TSNAX: variants seen among roughly 807,000 people sequenced by gnomAD.
The protein encoded by TSNAX is translin associated factor X.
TSNAX carries 12 observed loss-of-function variants against 33.0 expected under a neutral mutation model. That is an observed-to-expected ratio of 0.36 (90% CI 0.23 to 0.59). TSNAX has a LOEUF of 0.59. TSNAX is among the 20% of genes least tolerant of loss of function. TSNAX has a pLI of 0.74. For synonymous variants in TSNAX, 110 were observed against 117.2 expected (o/e 0.94, Z 0.40); for missense variants, 267 against 341.3 (o/e 0.78, Z 1.72).
rs1158079646 is a variant in TSNAX at position 231,560,410 on chromosome 1, C to CG, written c.368-718_368-717insG. Among the ~76,000 whole-genome samples the CG allele has an allele frequency of 9.1e-5, 8 of 87,522 alleles. 1 individual carries two copies. The East Asian group carries it at 2.4e-3, about 27-fold the overall frequency. 57.4% of individuals were successfully genotyped at this position (87,522 alleles called of 152,430 possible). A position where few individuals can be genotyped will look rare whatever the true frequency, so the allele number is the denominator to read the frequency against. ...ATGGAATAGGCTTTTCTTTTCTCCC[C>CG]CCCCCCCCTTTTTTTTTTTTTGAGA... is the stretch of plus-strand genomic sequence containing the variant. On this transcript the variant is annotated intron_variant, in intron 4 of 5. Transcript: ENST00000366639.
Position 231,537,231 on chromosome 1 carries a change from A to G in TSNAX, c.140A>G (p.Asp47Gly). 6.2e-7 allele frequency: 1 copy of G among 1,612,512 alleles called. No homozygotes were observed. The highest frequency in any genetic ancestry group is 8.5e-7 in the Non-Finnish European group (1 of 1,179,404). Reference protein sequence around the residue: ...LAFKSFQQELDARHDKYERLV... With the variant: ...LAFKSFQQELGARHDKYERLV... ...TTTTTAGCATTTCAGCAGGAACTTG[A>G]TGCAAGGCATGACAAATATGAGAGA... Residue 47 changes from aspartate (D) to glycine (G), a missense_variant, in exon 3 of 6, where the codon GAT becomes GGT. Physicochemically the swap from Asp to Gly is moderately conservative, Grantham distance 94. This residue lies in a region of TSNAX where 200 missense variants were observed against 214.1 expected (regional missense o/e 0.93). Coordinates refer to ENST00000366639, the MANE Select transcript of TSNAX (RefSeq NM_005999.3).
intron 4 of TSNAX, among the ~76,000 whole-genome samples, chr1:231,544,123 A>T (rs1407565193): frequency 1.3e-5 from 2 of 152,184 alleles, no homozygotes; most frequent in East Asian, 3.9e-4. Context: ...ATGCGTGTGT[A>T]ATCTTGAGGG....
chr1:231,530,121 CAG>C (rs781466438), intron 2 of TSNAX, among the ~76,000 whole-genome samples: 6 of 152,044 alleles, frequency 3.9e-5, no homozygotes, highest in Non-Finnish European at 5.9e-5. Context: ...TGGCCTCCTT[CAG>C]AGAGAGAGAG....
chr1:231,533,819 C>G (rs533604808), intron 2 of TSNAX, among the ~76,000 whole-genome samples: 3 of 152,182 alleles, frequency 2.0e-5, no homozygotes, highest in Non-Finnish European at 2.9e-5. Flanking sequence ...CATCATACCC[C>G]TTTACTTGTT....
At chr1:231,534,104 G>A (rs953156524) in intron 2 of TSNAX, 1 of 152,140 alleles carries the variant, frequency 6.6e-6, no homozygotes, top group Non-Finnish European at 1.5e-5. Flanking sequence ...ATTGATTGAA[G>A]AATATAGGTC....
intron 2 of TSNAX, 127 bp downstream of exon 2, chr1:231,529,486 A>G: frequency 4.7e-6 from 4 of 852,804 alleles, no homozygotes; most frequent in South Asian, 3.5e-5. Flanking sequence ...TGATGGCGCT[A>G]GATGTACCCT....
At chr1:231,535,987 A>T (rs1252710879) in intron 2 of TSNAX, 1 of 152,228 alleles carries the variant, frequency 6.6e-6, no homozygotes, top group Non-Finnish European at 1.5e-5. Flanking sequence ...GCCTGCGTTC[A>T]GCCTTTCATC....
chr1:231,555,501 G>T (rs527951871), intron 4 of TSNAX, among the ~76,000 whole-genome samples: 8 of 152,068 alleles, frequency 5.3e-5, no homozygotes, highest in Non-Finnish European at 1.0e-4. Flanking sequence ...AATAATGGTT[G>T]TACAACATTA....
At chr1:231,553,109 C>G (rs1436559217) in intron 4 of TSNAX, among the ~76,000 whole-genome samples, 1 of 152,010 alleles carries the variant, frequency 6.6e-6, no homozygotes, top group African/African-American at 2.4e-5. Flanking sequence ...GGTGTATATA[C>G]CTAGGAGCGG....
At chr1:231,543,787 A>G (rs1397801711) in intron 4 of TSNAX, among the ~76,000 whole-genome samples, 1 of 152,208 alleles carries the variant, frequency 6.6e-6, no homozygotes, top group Non-Finnish European at 1.5e-5. Flanking sequence ...TCATTATAAC[A>G]TATTACCAAA....
chr1:231,556,910 C>T (rs1044488508), intron 4 of TSNAX, among the ~76,000 whole-genome samples: 15 of 151,784 alleles, frequency 9.9e-5, no homozygotes, highest in African/African-American at 3.6e-4. Context: ...TTATAAGCCA[C>T]GTTAATGGTT....
chr1:231,535,957 T>C (rs185205896), intron 2 of TSNAX: 5 of 152,354 alleles, frequency 3.3e-5, no homozygotes, highest in African/African-American at 7.2e-5. Flanking sequence ...GAAGATAGTA[T>C]GTAAGAATTG....
chr1:231,533,991 A>C (rs1572100765), intron 2 of TSNAX: 1 of 152,306 alleles, frequency 6.6e-6, no homozygotes, highest in East Asian at 1.9e-4. Flanking sequence ...TTTTCTCTCT[A>C]GTCCAGTAAT....
At chr1:231,539,611 CATT>C (rs1214508488) in intron 3 of TSNAX, among the ~76,000 whole-genome samples, 2 of 152,112 alleles carry the variant, frequency 1.3e-5, no homozygotes, top group African/African-American at 4.8e-5. Flanking sequence ...AATAAATGCT[CATT>C]ATAGTAAACT....
At chr1:231,546,315 A>G (rs1572123219) in intron 4 of TSNAX, among the ~76,000 whole-genome samples, 1 of 152,162 alleles carries the variant, frequency 6.6e-6, no homozygotes, top group Admixed American at 6.5e-5. Context: ...TTGCTTTCAC[A>G]AGTTTATATT....
At chr1:231,541,291 T>G (rs1171853375) in intron 3 of TSNAX, among the ~76,000 whole-genome samples, 2 of 152,248 alleles carry the variant, frequency 1.3e-5, no homozygotes, top group African/African-American at 4.8e-5. Flanking sequence ...TGTACAATAC[T>G]GTGTTTACTA....
rs1376998868 is a variant in TSNAX at position 231,558,273 on chromosome 1, C to T, written c.368-2855C>T. Among the ~76,000 whole-genome samples the T allele has an allele frequency of 3.3e-5, 5 of 152,152 alleles. No homozygotes were observed. The East Asian group carries it at 9.6e-4, about 29-fold the overall frequency. ...AGAAGCTGTCCCCAGGCAGGTGCTA[C>T]ATGCTGTTGGCCACCTTGAAGTGCT... On this transcript the variant is annotated intron_variant, in intron 4 of 5. Coordinates refer to ENST00000366639, the MANE Select transcript of TSNAX (RefSeq NM_005999.3).
At chr1:231,562,543 C>G (rs974603946) in intron 5 of TSNAX, among the ~76,000 whole-genome samples, 7 of 151,988 alleles carry the variant, frequency 4.6e-5, no homozygotes, top group Non-Finnish European at 1.0e-4. Context: ...CTGCTTCTCA[C>G]GTGATATTAG....
rs371153577 is a variant in TSNAX, at chr1:231,564,944, C to G, written c.*39C>G. The G allele has an allele frequency of 3.2e-5, 50 of 1,570,496 alleles. No individual in the cohort carries two copies. The South Asian group carries it at 3.6e-4, about 11-fold the overall frequency. On this transcript the variant is annotated 3_prime_UTR_variant, in exon 6 of 6. Coordinates refer to ENST00000366639, the MANE Select transcript of TSNAX (RefSeq NM_005999.3). Reference sequence around the variant, plus strand: ...TCAGTTACTAATTCTTTTGAGAACTCCTAAGAGACCAATTTGTAAGACTTA... The same window carrying G: ...TCAGTTACTAATTCTTTTGAGAACTGCTAAGAGACCAATTTGTAAGACTTA...
Sources: allele counts gnomAD v4.1 joint callset (sites outside exome capture counted in the v4.1 genomes callset), GRCh38; gene constraint gnomAD v4.1.1; regional missense constraint gnomAD v4.1.1; transcripts MANE v1.5; gene names NCBI Gene and HGNC (gene_info 2026-07-23, HGNC 2026-07-21).